The following CADPS variants were observed in gnomAD, a reference collection of about 807,000 sequenced individuals.
CADPS encodes the protein calcium dependent secretion activator, also known as calcium-dependent secretion activator 1.
In CADPS, 57 loss-of-function variants were observed where a neutral mutation model predicts 167.3. The observed-to-expected ratio is 0.34, with a 90% CI of 0.28 to 0.42. The LOEUF (loss-of-function observed/expected upper bound fraction) is 0.42, where lower values mean the gene tolerates loss of function less well. Ranked by LOEUF, CADPS falls within the 20% of genes least tolerant of loss-of-function variation. The pLI, the probability that CADPS is intolerant of heterozygous loss-of-function variation, is 1.00. For synonymous variants in CADPS, 676 were observed against 635.3 expected (o/e 1.06, Z -0.96); for missense variants, 1,414 against 1,738.1 (o/e 0.81, Z 3.32).
At chr3:62,441,185 A>T (rs1248129493) in intron 27 of CADPS, 2 of 152,234 alleles carry the variant, frequency 1.3e-5, no homozygotes, top group Admixed American at 1.3e-4. Context: ...AAACTTTTAG[A>T]TGTTTTTTAA....
At chr3:62,641,387 C>T (rs2067384618) in intron 6 of CADPS, among the ~76,000 whole-genome samples, 1 of 152,172 alleles carries the variant, frequency 6.6e-6, no homozygotes, top group Admixed American at 6.5e-5. Flanking sequence ...ATGCCATTTT[C>T]TGGTATTACT....
At chr3:62,581,679 TC>T (rs1378766842) in intron 8 of CADPS, among the ~76,000 whole-genome samples, 3 of 151,878 alleles carry the variant, frequency 2.0e-5, no homozygotes, top group Non-Finnish European at 1.5e-5. Flanking sequence ...AGACCCTGTC[TC>T]AAAAAGAAAA....
intron 1 of CADPS, among the ~76,000 whole-genome samples, chr3:62,851,621 G>A (rs1310085207): frequency 2.9e-5 from 4 of 138,786 alleles, no homozygotes; most frequent in Non-Finnish European, 1.6e-5. Context: ...CTTCTGGCTT[G>A]TAGGGTTTCT....
intron 6 of CADPS, among the ~76,000 whole-genome samples, chr3:62,596,136 CACACACAT>C (rs1448534446): frequency 3.8e-5 from 4 of 105,946 alleles, no homozygotes; most frequent in Non-Finnish European, 6.1e-5. Flanking sequence ...CACACACACA[CACACACAT>C]ATCCTATTAG....
At chr3:62,624,761 T>A (rs2063750190) in intron 6 of CADPS, among the ~76,000 whole-genome samples, 1 of 152,162 alleles carries the variant, frequency 6.6e-6, no homozygotes, top group East Asian at 1.9e-4. Context: ...TGATAATATC[T>A]ACTTCACAGA....
chr3:62,528,897 G>A (rs934995820), intron 13 of CADPS, among the ~76,000 whole-genome samples: 2 of 152,176 alleles, frequency 1.3e-5, no homozygotes, highest in Non-Finnish European at 2.9e-5. Context: ...GGTGGCTCAT[G>A]CCTGTAATCC....
At chr3:62,724,777 G>A (rs574714211) in intron 3 of CADPS, among the ~76,000 whole-genome samples, 9 of 152,276 alleles carry the variant, frequency 5.9e-5, no homozygotes, top group Middle Eastern at 3.4e-3. Context: ...TGCTCTCCAC[G>A]AAACCTTCAA....
At chr3:62,402,948 T>C in intron 29 of CADPS, 133 bp downstream of exon 29, 1 of 515,858 alleles carries the variant, frequency 1.9e-6, no homozygotes, top group Non-Finnish European at 3.4e-6. Flanking sequence ...AACAATTGCA[T>C]AGGTTTTTCT....
chr3:62,596,512 G>A (rs2058968791), intron 6 of CADPS, among the ~76,000 whole-genome samples: 1 of 152,012 alleles, frequency 6.6e-6, no homozygotes, highest in South Asian at 2.1e-4. Context: ...GTGCTATTTT[G>A]CTACATGTAT....
At chr3:62,724,158 C>G (rs1205381413) in intron 3 of CADPS, among the ~76,000 whole-genome samples, 1 of 152,208 alleles carries the variant, frequency 6.6e-6, no homozygotes, top group African/African-American at 2.4e-5. Flanking sequence ...TGCAGCAGGG[C>G]TCAAGGTCCT....
rs1329104128 is a variant in CADPS, at chr3:62,601,767, T to C, written c.1326-9019A>G. On this transcript the variant is annotated intron_variant, in intron 6 of 29. Transcript: ENST00000383710. This position sits in a 1 kb window ranked among gnomAD's most constrained non-coding sequence, Gnocchi z 4.3. ...AGCAGATGATTCATATTTAGGGGGA[T>C]GGGGATGACTTTTAAAGTCACAGCA... Among the ~76,000 whole-genome samples, 1 of 152,146 alleles carries C rather than the reference T, an allele frequency of 6.6e-6. No individual in the cohort carries two copies. Among genetic ancestry groups the C allele is most frequent in the Admixed American group, 6.6e-5 (1 of 15,264 alleles).
chr3:62,417,311 G>C (rs1290562693), intron 28 of CADPS, among the ~76,000 whole-genome samples: 6 of 52,804 alleles, frequency 1.1e-4, no homozygotes, highest in African/African-American at 4.7e-4. Flanking sequence ...TTTTGAGACT[G>C]TCTTGCTCTG....
chr3:62,737,110 C>A (rs9844731), intron 3 of CADPS, among the ~76,000 whole-genome samples: 1 of 151,956 alleles, frequency 6.6e-6, no homozygotes, highest in East Asian at 1.9e-4. Context: ...TGCACTCCAG[C>A]CTGGGCAACA....
intron 2 of CADPS, among the ~76,000 whole-genome samples, chr3:62,763,897 G>T (rs954726679): frequency 6.6e-6 from 1 of 152,164 alleles, no homozygotes; most frequent in African/African-American, 2.4e-5. Context: ...GACAAAAAAT[G>T]AAACTGTTTC....
intron 6 of CADPS, among the ~76,000 whole-genome samples, chr3:62,615,800 T>C (rs1163565116): frequency 6.6e-6 from 1 of 152,270 alleles, no homozygotes; most frequent in East Asian, 1.9e-4. Context: ...TAAAACATTA[T>C]GATAAGTAAA....
At chr3:62,520,747 C>T (rs2123143) in intron 13 of CADPS, among the ~76,000 whole-genome samples, 520 of 152,284 alleles carry the variant, frequency 3.4e-3, no homozygotes, top group Non-Finnish European at 5.4e-3. Flanking sequence ...GGAGATGCTG[C>T]TTTACAAAGT....
intron 23 of CADPS, among the ~76,000 whole-genome samples, chr3:62,477,288 A>G (rs190616138): frequency 6.6e-6 from 1 of 150,692 alleles, no homozygotes; most frequent in Admixed American, 6.6e-5. Context: ...GGAGATTTGG[A>G]GTAGCCTGTG....
At chr3:62,833,891 C>T (rs1003977644) in intron 1 of CADPS, among the ~76,000 whole-genome samples, 7 of 152,062 alleles carry the variant, frequency 4.6e-5, no homozygotes, top group South Asian at 2.1e-4. Flanking sequence ...AATTATAAAC[C>T]ATGTGTATAG....
chr3:62,474,165 T>G lies in CADPS; in HGVS notation c.3477+8A>C. On this transcript the variant is annotated splice_region_variant and intron_variant, in intron 24 of 29. Coordinates refer to ENST00000383710, the MANE Select transcript of CADPS (RefSeq NM_003716.4). ...AAAAAAAATCTGTATTTTTTTTTTT[T>G]TTTTTACCTCTTGGCCCATTTCCAT... 6.9e-7 allele frequency: 1 copy of G among 1,446,118 alleles called. No individual in the cohort carries two copies. Among genetic ancestry groups the G allele is most frequent in the South Asian group, 1.5e-5 (1 of 67,256 alleles). The allele number at this position is 1,446,118 out of a possible 1,614,324, so 89.6% of individuals were successfully genotyped here. A position where few individuals can be genotyped will look rare whatever the true frequency, so the allele number is the denominator to read the frequency against.
Sources: allele counts gnomAD v4.1 joint callset (sites outside exome capture counted in the v4.1 genomes callset), GRCh38; gene constraint gnomAD v4.1.1; non-coding constraint Gnocchi (gnomAD v3.1); transcripts MANE v1.5; gene names NCBI Gene and HGNC (gene_info 2026-07-23, HGNC 2026-07-21).